The following NXPH1 variants were observed in gnomAD, a reference collection of about 807,000 sequenced individuals.
NXPH1 encodes neurexophilin-1.
Under a neutral mutation model 23.7 loss-of-function variants are expected in NXPH1, and 5 were observed. That is an observed-to-expected ratio of 0.21 (90% confidence interval 0.11 to 0.44). The LOEUF is 0.44. Ranked by LOEUF, NXPH1 falls within the 20% of genes least tolerant of loss-of-function variation. The pLI, the probability that NXPH1 is intolerant of heterozygous loss-of-function variation, is 0.99. For synonymous variants in NXPH1, 144 were observed against 122.2 expected (o/e 1.18, Z -1.18); for missense variants, 324 against 321.6 (o/e 1.01, Z -0.06).
At position 8,736,359 on chromosome 7, in the gene NXPH1, T is replaced by C. The variant is rs182041061; in HGVS notation, c.55-14649T>C. 1.6e-3 allele frequency among the ~76,000 whole-genome samples: 241 copies of C among 152,332 alleles called. 2 individuals are homozygous for C. The highest frequency in any genetic ancestry group is 5.5e-3 in the African/African-American group (227 of 41,584). ...GTTCTCACTGGTTTCAAAGAACTTATTTATTTCGGCCTTCATTTTGTTATG... is the reference window on the plus strand; with the variant it reads ...GTTCTCACTGGTTTCAAAGAACTTACTTATTTCGGCCTTCATTTTGTTATG... On this transcript the variant is annotated intron_variant, in intron 2 of 2. Transcript: ENST00000405863.
chr7:8,505,571 G>A (rs1817508599), intron 2 of NXPH1, among the ~76,000 whole-genome samples: 1 of 151,994 alleles, frequency 6.6e-6, no homozygotes, highest in South Asian at 2.1e-4. Context: ...TTTTATATTA[G>A]CAAATCTAAA....
intron 2 of NXPH1, among the ~76,000 whole-genome samples, chr7:8,709,605 T>C (rs1288837567): frequency 6.6e-6 from 1 of 152,196 alleles, no homozygotes; most frequent in African/African-American, 2.4e-5. Context: ...AAACATGGAC[T>C]AATATGTTTT....
At chr7:8,539,237 G>A (rs1818073702) in intron 2 of NXPH1, among the ~76,000 whole-genome samples, 1 of 151,618 alleles carries the variant, frequency 6.6e-6, no homozygotes, top group African/African-American at 2.4e-5. Flanking sequence ...AGAAGCTAAG[G>A]GATAATATCT....
intron 2 of NXPH1, among the ~76,000 whole-genome samples, chr7:8,628,737 A>C (rs1273692007): frequency 6.6e-6 from 1 of 152,076 alleles, no homozygotes; most frequent in African/African-American, 2.4e-5. Flanking sequence ...ATATAAATGA[A>C]TGTTTTCTGG....
At chr7:8,572,798 A>G (rs924586876) in intron 2 of NXPH1, among the ~76,000 whole-genome samples, 1 of 152,058 alleles carries the variant, frequency 6.6e-6, no homozygotes, top group East Asian at 1.9e-4. Context: ...AGAATATGCA[A>G]TTAAAAATAG....
chr7:8,617,445 A>G (rs1027834744), intron 2 of NXPH1, among the ~76,000 whole-genome samples: 2 of 152,110 alleles, frequency 1.3e-5, no homozygotes, highest in Non-Finnish European at 1.5e-5. Flanking sequence ...AAAATGTGAT[A>G]TATATATACA....
At chr7:8,709,812 T>A (rs1272983585) in intron 2 of NXPH1, among the ~76,000 whole-genome samples, 1 of 152,224 alleles carries the variant, frequency 6.6e-6, no homozygotes, top group Non-Finnish European at 1.5e-5. Flanking sequence ...ATTATTTACA[T>A]CAAATTTGTA....
intron 2 of NXPH1, among the ~76,000 whole-genome samples, chr7:8,716,986 A>G (rs1002239812): frequency 6.6e-6 from 1 of 152,178 alleles, no homozygotes; most frequent in African/African-American, 2.4e-5. Flanking sequence ...GTGCCCCAGT[A>G]CCCACCTTCA....
At chr7:8,660,449 C>G (rs1299467775) in intron 2 of NXPH1, among the ~76,000 whole-genome samples, 2 of 152,160 alleles carry the variant, frequency 1.3e-5, no homozygotes, top group East Asian at 3.8e-4. Flanking sequence ...TTTGCTAAAA[C>G]AACTACTGTT....
intron 2 of NXPH1, among the ~76,000 whole-genome samples, chr7:8,509,336 T>C (rs949596588): frequency 6.6e-6 from 1 of 152,144 alleles, no homozygotes; most frequent in Non-Finnish European, 1.5e-5. Context: ...TTAATAAATA[T>C]GATGTGGTGG....
chr7:8,696,961 C>T (rs1052393388), intron 2 of NXPH1, among the ~76,000 whole-genome samples: 1 of 151,040 alleles, frequency 6.6e-6, no homozygotes, highest in Non-Finnish European at 1.5e-5. Context: ...AATTTGACAC[C>T]AGTCTGGTCA....
chr7:8,520,827 T>C (rs1309640155), intron 2 of NXPH1, among the ~76,000 whole-genome samples: 1 of 152,172 alleles, frequency 6.6e-6, no homozygotes, highest in Non-Finnish European at 1.5e-5. Flanking sequence ...TCACTTCATT[T>C]TCTCTTTGGT....
At chr7:8,608,788 A>G (rs943440737) in intron 2 of NXPH1, among the ~76,000 whole-genome samples, 6 of 152,178 alleles carry the variant, frequency 3.9e-5, no homozygotes, top group Admixed American at 3.9e-4. Flanking sequence ...TGAATGACAA[A>G]TGATTATAAG....
chr7:8,438,616 C>A (rs1165687127), intron 2 of NXPH1, among the ~76,000 whole-genome samples: 3 of 152,196 alleles, frequency 2.0e-5, no homozygotes. Flanking sequence ...GTCCATGAAA[C>A]AAGACTTGTC....
Position 8,751,445 on chromosome 7 carries a change from T to C in NXPH1, c.492T>C (p.Ser164=). 1 of 1,613,876 alleles carries C rather than the reference T, an allele frequency of 6.2e-7. No homozygotes were observed. The highest frequency in any genetic ancestry group is 8.5e-7 in the Non-Finnish European group (1 of 1,179,844). ...ATTCAACTGGTCAAGGGAATGTATC[T>C]GTCAGCTTGGTACCCCCTACAAAAA... ...RHNSTGQGNV[S]VSLVPPTKIV... The change falls in exon 3 of 3, where the codon TCT becomes TCC. Residue 164 remains serine, a synonymous_variant. Transcript: ENST00000405863. The surrounding 1 kb of genome is among the most constrained non-coding windows in gnomAD (Gnocchi z 4.5).
intron 2 of NXPH1, among the ~76,000 whole-genome samples, chr7:8,484,223 T>G (rs1817122161): frequency 6.6e-6 from 1 of 152,166 alleles, no homozygotes; most frequent in South Asian, 2.1e-4. Flanking sequence ...GTTTTCAAAC[T>G]GTGCTCAGCA....
At chr7:8,635,628 A>C (rs554850977) in intron 2 of NXPH1, among the ~76,000 whole-genome samples, 1 of 152,356 alleles carries the variant, frequency 6.6e-6, no homozygotes, top group East Asian at 1.9e-4. Flanking sequence ...AACGTTGGAG[A>C]GTGACTGTGA....
intron 2 of NXPH1, among the ~76,000 whole-genome samples, chr7:8,570,034 G>C (rs62448095): frequency 8.6e-4 from 131 of 151,968 alleles, no homozygotes; most frequent in Non-Finnish European, 1.6e-3. Flanking sequence ...CCTCAATAAA[G>C]TGGAGCTGTT....
chr7:8,648,034 G>A lies in NXPH1; in HGVS notation c.55-102974G>A, dbSNP rs190326626. ...TTAAAATAAACTTTTAATTTTTGTG[G>A]ATACATACTAAGTGTATATATTTAT... On this transcript the variant is annotated intron_variant, in intron 2 of 2. Transcript: ENST00000405863. 2.0e-4 allele frequency among the ~76,000 whole-genome samples: 31 copies of A among 152,016 alleles called. No individual in the cohort carries two copies. In the East Asian group the frequency reaches 5.2e-3, roughly 26 times the overall value.
Sources: gnomAD v4.1 joint callset for allele counts (sites outside exome capture counted in the v4.1 genomes callset) on GRCh38, gnomAD v4.1.1 for gene constraint, Gnocchi (gnomAD v3.1) non-coding constraint, MANE v1.5 for transcripts, NCBI Gene and HGNC (gene_info 2026-07-23, HGNC 2026-07-21) for gene names.